CNTNAP5: variants seen among roughly 807,000 people sequenced by gnomAD.
CNTNAP5 encodes contactin-associated protein-like 5.
Under a neutral mutation model 150.2 loss-of-function variants are expected in CNTNAP5, and 72 were observed. That is an observed-to-expected ratio of 0.48 (90% CI 0.40 to 0.58). The LOEUF (loss-of-function observed/expected upper bound fraction) is 0.58. CNTNAP5 is among the 20% of genes least tolerant of loss of function. CNTNAP5 has a pLI of 0.00. For synonymous variants in CNTNAP5, 672 were observed against 619.8 expected, an observed-to-expected ratio of 1.08 and a Z score of -1.25; for missense variants, 1,636 against 1,626.2, an observed-to-expected ratio of 1.01 and a Z score of -0.10.
At chr2:124,029,758 A>AAAG (rs2104619011) in intron 1 of CNTNAP5, among the ~76,000 whole-genome samples, 1 of 152,236 alleles carries the variant, frequency 6.6e-6, no homozygotes, top group South Asian at 2.1e-4. Context: ...TTAAAAAAAC[A>AAAG]AAGTAATGCG....
chr2:124,704,994 C>T (rs1679603128), intron 13 of CNTNAP5, among the ~76,000 whole-genome samples: 1 of 152,168 alleles, frequency 6.6e-6, no homozygotes, highest in Non-Finnish European at 1.5e-5. Flanking sequence ...ATTCCTTTCC[C>T]CATGCCCAAT....
At chr2:124,714,817 A>G (rs1679911259) in intron 13 of CNTNAP5, among the ~76,000 whole-genome samples, 3 of 152,044 alleles carry the variant, frequency 2.0e-5, no homozygotes, top group Admixed American at 2.0e-4. Flanking sequence ...TTTACTTGCT[A>G]AACACAACTA....
At chr2:124,750,767 C>T (rs558342224) in intron 14 of CNTNAP5, among the ~76,000 whole-genome samples, 43 of 151,996 alleles carry the variant, frequency 2.8e-4, no homozygotes, top group Admixed American at 5.2e-4. Context: ...GGGCGGATCA[C>T]GAGGTCAGGA....
At chr2:124,063,771 A>C (rs1425087895) in intron 1 of CNTNAP5, among the ~76,000 whole-genome samples, 3 of 152,126 alleles carry the variant, frequency 2.0e-5, no homozygotes, top group Non-Finnish European at 2.9e-5. Context: ...TAAGATTCAC[A>C]AGACAGAAAT....
chr2:124,617,628 G>A (rs192409685), intron 12 of CNTNAP5, among the ~76,000 whole-genome samples: 38 of 152,210 alleles, frequency 2.5e-4, no homozygotes, highest in African/African-American at 7.0e-4. Context: ...ACTTGTTTAC[G>A]CCTGTAAAGA....
At chr2:124,812,361 A>T (rs1682255347) in intron 19 of CNTNAP5, among the ~76,000 whole-genome samples, 1 of 150,858 alleles carries the variant, frequency 6.6e-6, no homozygotes, top group Non-Finnish European at 1.5e-5. Flanking sequence ...AAGTCCCCCA[A>T]CCCCCCAGTG....
chr2:124,360,048 AC>A (rs1690152133), intron 3 of CNTNAP5, among the ~76,000 whole-genome samples: 1 of 135,390 alleles, frequency 7.4e-6, no homozygotes, highest in Admixed American at 7.6e-5. Flanking sequence ...TGATCCCTTT[AC>A]CATTATGTAA....
intron 22 of CNTNAP5, among the ~76,000 whole-genome samples, chr2:124,905,802 C>T (rs534430574): frequency 2.0e-5 from 3 of 152,172 alleles, no homozygotes; most frequent in South Asian, 4.2e-4. Flanking sequence ...AAGCTTGAGC[C>T]AGTTAGAATT....
chr2:124,117,560 T>A (rs913256435), intron 1 of CNTNAP5, among the ~76,000 whole-genome samples: 3 of 152,166 alleles, frequency 2.0e-5, no homozygotes, highest in African/African-American at 7.2e-5. Context: ...ATTTAAACAA[T>A]CTATAATGAA....
intron 11 of CNTNAP5, among the ~76,000 whole-genome samples, chr2:124,605,398 C>CTG (rs1697080663): frequency 1.3e-5 from 2 of 152,296 alleles, no homozygotes; most frequent in African/African-American, 4.8e-5. Flanking sequence ...AGGATCCTCT[C>CTG]TGTGCTCTTT....
chr2:124,786,570 G>C, intron 17 of CNTNAP5, among the ~76,000 whole-genome samples: 1 of 151,060 alleles, frequency 6.6e-6, no homozygotes, highest in Admixed American at 6.6e-5. Flanking sequence ...AGAAGACAGA[G>C]AGAAAGAAAG....
intron 13 of CNTNAP5, among the ~76,000 whole-genome samples, chr2:124,692,669 T>C (rs751548907): frequency 3.3e-5 from 5 of 152,110 alleles, no homozygotes; most frequent in Non-Finnish European, 7.4e-5. Context: ...TAGCTCCAGA[T>C]TTTTTCTCCC....
At chr2:124,801,096 A>G (rs1397357259) in intron 19 of CNTNAP5, among the ~76,000 whole-genome samples, 4 of 152,050 alleles carry the variant, frequency 2.6e-5, no homozygotes, top group African/African-American at 9.7e-5. Context: ...TGGGAAAGAT[A>G]CCCTGATTTA....
At chr2:124,710,938 C>T (rs1679793065) in intron 13 of CNTNAP5, among the ~76,000 whole-genome samples, 1 of 152,142 alleles carries the variant, frequency 6.6e-6, no homozygotes, top group African/African-American at 2.4e-5. Flanking sequence ...TCTTTCTTCA[C>T]TTCTTGATTT....
chr2:124,282,590 A>G (rs1256584998), intron 3 of CNTNAP5, among the ~76,000 whole-genome samples: 1 of 151,936 alleles, frequency 6.6e-6, no homozygotes, highest in African/African-American at 2.4e-5. Flanking sequence ...TGTGTTTTCT[A>G]ATAGACTGTA....
intron 19 of CNTNAP5, among the ~76,000 whole-genome samples, chr2:124,861,146 A>G (rs1677516027): frequency 6.6e-6 from 1 of 152,108 alleles, no homozygotes; most frequent in South Asian, 2.1e-4. Context: ...GTGAAAAGGG[A>G]TCTTATCAGG....
At chr2:124,460,032 C>G (rs1043138991) in intron 6 of CNTNAP5, among the ~76,000 whole-genome samples, 1 of 152,070 alleles carries the variant, frequency 6.6e-6, no homozygotes, top group Non-Finnish European at 1.5e-5. Flanking sequence ...GTGTAATGCA[C>G]TCATTAAAAG....
intron 3 of CNTNAP5, among the ~76,000 whole-genome samples, chr2:124,357,219 C>T (rs576827235): frequency 2.1e-4 from 32 of 152,186 alleles, no homozygotes; most frequent in African/African-American, 4.8e-4. Context: ...CTTTGCCAGA[C>T]GAGTAGGTTA....
intron 14 of CNTNAP5, among the ~76,000 whole-genome samples, chr2:124,760,682 G>T (rs913133011): frequency 5.9e-5 from 9 of 152,068 alleles, no homozygotes; most frequent in Non-Finnish European, 7.4e-5. Flanking sequence ...AAATGGGAAT[G>T]TCTGGCTGCT....
Sources: allele counts gnomAD v4.1 joint callset (sites outside exome capture counted in the v4.1 genomes callset), GRCh38; gene constraint gnomAD v4.1.1; transcripts MANE v1.5; gene names NCBI Gene and HGNC (gene_info 2026-07-23, HGNC 2026-07-21).